Variants in TRAF3 observed in about 807,000 individuals in gnomAD.
TRAF3 encodes TNF receptor associated factor 3, also known as TNF receptor-associated factor 3.
A neutral mutation model predicts 62.3 loss-of-function variants in TRAF3; 13 were observed. That is an observed-to-expected ratio of 0.21 (90% CI 0.14 to 0.33). The LOEUF (loss-of-function observed/expected upper bound fraction) is 0.33, where lower values mean the gene tolerates loss of function less well. TRAF3 is among the 10% of genes least tolerant of loss of function. The pLI, the probability that TRAF3 is intolerant of heterozygous loss-of-function variation, is 1.00. For missense variants in TRAF3, 440 were observed against 741.8 expected (o/e 0.59, Z 4.73); for synonymous variants, 269 against 283.4 (o/e 0.95, Z 0.51).
chr14:102,818,558 A>G (rs368100100), intron 1 of TRAF3, among the ~76,000 whole-genome samples: 3 of 152,276 alleles, frequency 2.0e-5, no homozygotes, highest in Admixed American at 1.3e-4. Flanking sequence ...CTTCACACTT[A>G]ATCAAATCCT....
intron 1 of TRAF3, among the ~76,000 whole-genome samples, 151 bp downstream of exon 1, chr14:102,777,826 G>A (rs1405647625): frequency 2.1e-5 from 3 of 146,044 alleles, no homozygotes; most frequent in Non-Finnish European, 4.6e-5. Context: ...GCCCGTCCCA[G>A]CGGCGACGGC....
chr14:102,872,699 C>CTTT (rs561941029), intron 4 of TRAF3, among the ~76,000 whole-genome samples: 50 of 148,140 alleles, frequency 3.4e-4, no homozygotes, highest in Admixed American at 9.4e-4. Context: ...TCTTCTTTTT[C>CTTT]TTTTTTTTTT....
In TRAF3 at chr14:102,900,040, G is replaced by A. The variant is rs1890199123; in HGVS notation, c.960+2639G>A. Among the ~76,000 whole-genome samples the A allele has an allele frequency of 2.0e-5, 3 of 150,952 alleles. No individual in the cohort carries two copies. The South Asian group carries it at 6.3e-4, about 32-fold the overall frequency. ...TAAAAATACAAAAAATTAGCCAGGT[G>A]CGGTGGTGGGCGCCTGTAGTCCCAG... On this transcript the variant is annotated intron_variant, in intron 10 of 11. Transcript: ENST00000392745.
chr14:102,790,390 G>A (rs1412455598), intron 1 of TRAF3, among the ~76,000 whole-genome samples: 2 of 152,152 alleles, frequency 1.3e-5, no homozygotes, highest in Non-Finnish European at 2.9e-5. Context: ...TGTTACATCA[G>A]TACCACACTA....
At chr14:102,894,181 G>A (rs965053019) in intron 9 of TRAF3, among the ~76,000 whole-genome samples, 5 of 152,054 alleles carry the variant, frequency 3.3e-5, no homozygotes, top group African/African-American at 1.2e-4. Context: ...CAAAAAATTA[G>A]CTAGGAGTGG....
chr14:102,895,010 A>G (rs1054328588), intron 9 of TRAF3: 1 of 450,810 alleles, frequency 2.2e-6, no homozygotes. Flanking sequence ...CCTATTGACA[A>G]TGTTTTGGAG....
chr14:102,811,540 G>A (rs960023284), intron 1 of TRAF3, among the ~76,000 whole-genome samples: 5 of 141,624 alleles, frequency 3.5e-5, no homozygotes, highest in South Asian at 4.6e-4. Flanking sequence ...AGCTGTTTGC[G>A]CTGTAGGCGG....
chr14:102,899,117 G>T (rs1045162593), intron 10 of TRAF3, among the ~76,000 whole-genome samples: 1 of 152,230 alleles, frequency 6.6e-6, no homozygotes, highest in Non-Finnish European at 1.5e-5. Flanking sequence ...TCTTCTCCAT[G>T]TGACCTGTTG....
intron 7 of TRAF3, among the ~76,000 whole-genome samples, chr14:102,888,757 CTA>C (rs1236561582): frequency 6.6e-6 from 1 of 152,242 alleles, no homozygotes; most frequent in Non-Finnish European, 1.5e-5. Context: ...AAAGACCAAA[CTA>C]TACCTCATTT....
In TRAF3 at chr14:102,903,044, G is replaced by A. The variant is rs1890381751; in HGVS notation, c.961-211G>A. On this transcript the variant is annotated intron_variant, in intron 10 of 11. Coordinates refer to ENST00000392745, the MANE Select transcript of TRAF3 (RefSeq NM_145725.3). The surrounding 1 kb of genome is among the most constrained non-coding windows in gnomAD (Gnocchi z 6.4). ...TCCATGTGGCTTCATGTCACCTCGA[G>A]TGCTCCCTGCCGGCACAAGCACTTG... The A allele has an allele frequency of 3.0e-6, 2 of 673,494 alleles. No individual in the cohort carries two copies. The highest frequency in any genetic ancestry group is 2.7e-6 in the Non-Finnish European group (1 of 374,636). The allele number at this position is 673,494 out of a possible 1,614,324, so 41.7% of individuals were successfully genotyped here.
At chr14:102,827,971 A>G (rs951595090) in intron 1 of TRAF3, among the ~76,000 whole-genome samples, 5 of 152,244 alleles carry the variant, frequency 3.3e-5, no homozygotes, top group Non-Finnish European at 7.3e-5. Flanking sequence ...GTCTGGTGCT[A>G]AGCAGCAGAT....
chr14:102,834,345 A>G lies in TRAF3; in HGVS notation c.-18+3873A>G, dbSNP rs1347306996. 4.0e-5 allele frequency among the ~76,000 whole-genome samples: 6 copies of G among 151,880 alleles called. No individual in the cohort carries two copies. The East Asian group carries it at 1.2e-3, about 29-fold the overall frequency. ...AGCTGACAAAAGCAGTGGGGAAAGG[A>G]CTCCCTATTCAATCAGCGGTGCTGG... is the stretch of plus-strand genomic sequence containing the variant. On this transcript the variant is annotated intron_variant, in intron 2 of 11. Transcript: ENST00000392745.
chr14:102,812,782 G>A (rs1397250323), intron 1 of TRAF3, among the ~76,000 whole-genome samples: 7 of 151,456 alleles, frequency 4.6e-5, no homozygotes, highest in Non-Finnish European at 1.0e-4. Flanking sequence ...AGCCGGGCAC[G>A]GTGGCGGGCG....
rs370955205 is a variant in TRAF3, at chr14:102,870,275, G to A, written c.74G>A (p.Arg25His). 55 of 1,614,072 alleles carry A rather than the reference G, an allele frequency of 3.4e-5. No homozygotes were observed. The African/African-American group carries it at 4.7e-4, about 14-fold the overall frequency. The change falls in exon 3 of 12, where the codon CGC becomes CAC. Residue 25 changes from arginine to histidine, a missense_variant. Arg to His is a conservative substitution (Grantham distance 29, BLOSUM62 0). Around this residue, in one of 6 missense-constraint regions of TRAF3, gnomAD observed 40 missense variants for 38.3 expected, o/e 1.05. Coordinates refer to ENST00000392745, the MANE Select transcript of TRAF3 (RefSeq NM_145725.3). ...CCGCCGCTAAAGCTGCACACTGACC[G>A]CAGTGCTGGGACGCCAGTTTTTGTC... ...TNPPLKLHTD[R>H]SAGTPVFVPE...
chr14:102,777,921 G>C (rs1417083174), intron 1 of TRAF3, among the ~76,000 whole-genome samples: 1 of 149,762 alleles, frequency 6.7e-6, no homozygotes, highest in African/African-American at 2.4e-5. Context: ...CTTTGTCCCG[G>C]AGGCCGGGCT....
chr14:102,826,693 A>T lies in TRAF3; in HGVS notation c.-156-3641A>T, dbSNP rs1900332458. Reference sequence around the variant, plus strand: ...AGTAGATTCTTTAATTTGTTTATTCATTCGTGCAGTCCTTCACCTCACACC... The same window carrying T: ...AGTAGATTCTTTAATTTGTTTATTCTTTCGTGCAGTCCTTCACCTCACACC... On this transcript the variant is annotated intron_variant, in intron 1 of 11. Coordinates refer to ENST00000392745, the MANE Select transcript of TRAF3 (RefSeq NM_145725.3). This position sits in a 1 kb window ranked among gnomAD's most constrained non-coding sequence, Gnocchi z 4.6. Among the ~76,000 whole-genome samples, 1 of 152,158 alleles carries T rather than the reference A, an allele frequency of 6.6e-6. No homozygotes were observed. The highest frequency in any genetic ancestry group is 1.5e-5 in the Non-Finnish European group (1 of 68,028).
chr14:102,793,346 G>A (rs1021645279), intron 1 of TRAF3, among the ~76,000 whole-genome samples: 1 of 151,896 alleles, frequency 6.6e-6, no homozygotes, highest in Non-Finnish European at 1.5e-5. Context: ...TACAGATGAG[G>A]TCTCACTGTG....
rs552147967 is a variant in TRAF3, at chr14:102,826,844, C to T, written c.-156-3490C>T. On this transcript the variant is annotated intron_variant, in intron 1 of 11. Transcript: ENST00000392745. The surrounding 1 kb of genome is among the most constrained non-coding windows in gnomAD (Gnocchi z 4.6). ...AAGGACAGCTGTTACTTATGGGTGGCGGCGTGGTGAGGTCGCACAACACAG... is the reference window on the plus strand; with the variant it reads ...AAGGACAGCTGTTACTTATGGGTGGTGGCGTGGTGAGGTCGCACAACACAG... Among the ~76,000 whole-genome samples the T allele has an allele frequency of 3.3e-5, 5 of 152,240 alleles. No homozygotes were observed. The highest frequency in any genetic ancestry group is 3.9e-4 in the East Asian group (2 of 5,174).
chr14:102,851,682 T>C (rs1306828287), intron 2 of TRAF3, among the ~76,000 whole-genome samples: 2 of 152,052 alleles, frequency 1.3e-5, no homozygotes, highest in African/African-American at 4.8e-5. Context: ...AGGCGGAGCT[T>C]GCAGTGAGCC....
Sources: allele counts gnomAD v4.1 joint callset (sites outside exome capture counted in the v4.1 genomes callset), GRCh38; gene constraint gnomAD v4.1.1; regional missense constraint gnomAD v4.1.1; non-coding constraint Gnocchi (gnomAD v3.1); transcripts MANE v1.5; gene names NCBI Gene and HGNC (gene_info 2026-07-23, HGNC 2026-07-21).